The following SEMA3C variants were observed in gnomAD, a reference collection of about 807,000 sequenced individuals.
SEMA3C encodes the protein semaphorin 3C, also known as semaphorin-3C.
SEMA3C carries 47 observed loss-of-function variants against 89.4 expected under a neutral mutation model. That is an observed-to-expected ratio of 0.53 (90% CI 0.42 to 0.67). The LOEUF (loss-of-function observed/expected upper bound fraction) is 0.67, where lower values mean the gene tolerates loss of function less well. Ranked by LOEUF, SEMA3C falls within the 30% of genes least tolerant of loss-of-function variation. The pLI is 0.00. For missense variants in SEMA3C, 839 were observed against 929.1 expected (o/e 0.90, Z 1.26); for synonymous variants, 310 against 320.2 (o/e 0.97, Z 0.34).
At chr7:80,783,464 A>G (rs1204618808) in intron 12 of SEMA3C, among the ~76,000 whole-genome samples, 1 of 152,158 alleles carries the variant, frequency 6.6e-6, no homozygotes, top group Non-Finnish European at 1.5e-5. Context: ...GAAAGCAGTG[A>G]CCCACGATGT....
At chr7:80,864,181 G>A (rs920888071) in intron 2 of SEMA3C, among the ~76,000 whole-genome samples, 1 of 151,962 alleles carries the variant, frequency 6.6e-6, no homozygotes, top group African/African-American at 2.4e-5. Context: ...TGATATGTGG[G>A]AGCTAAGCTA....
intron 2 of SEMA3C, among the ~76,000 whole-genome samples, chr7:80,868,163 T>A (rs913238321): frequency 2.0e-5 from 3 of 152,200 alleles, no homozygotes; most frequent in Admixed American, 2.0e-4. Context: ...ATGGTGCATG[T>A]CTCTCTCCCA....
chr7:80,867,170 A>T (rs1341434253), intron 2 of SEMA3C, among the ~76,000 whole-genome samples: 1 of 152,260 alleles, frequency 6.6e-6, no homozygotes, highest in African/African-American at 2.4e-5. Flanking sequence ...GTAGAAAAAG[A>T]CTTTATAATA....
At chr7:80,818,229 C>T in intron 5 of SEMA3C, 70 bp downstream of exon 5, 1 of 1,405,602 alleles carries the variant, frequency 7.1e-7, no homozygotes, top group South Asian at 1.5e-5. Flanking sequence ...CAAGTTTTTA[C>T]TCTAAAATAC....
In SEMA3C at chr7:80,827,557, A is replaced by G. The variant is rs564240474; in HGVS notation, c.265-70T>C. On this transcript the variant is annotated intron_variant, in intron 3 of 17. Coordinates refer to ENST00000265361, the MANE Select transcript of SEMA3C (RefSeq NM_006379.5). ...TATGACAGCCCAGTGCTCTTCATTT[A>G]CTTTTTGTTAACAGATTTATTTAAG... The G allele has an allele frequency of 9.4e-4, 1,198 of 1,273,800 alleles. 1 individual carries two copies. The highest frequency in any genetic ancestry group is 1.1e-3 in the Non-Finnish European group (1,047 of 935,236). The allele number at this position is 1,273,800 out of a possible 1,614,324, so 78.9% of individuals were successfully genotyped here.
At chr7:80,921,693 TC>T (rs1792412050), upstream of SEMA3C, among the ~76,000 whole-genome samples, 1 of 152,206 alleles carries the variant, frequency 6.6e-6, no homozygotes, top group Admixed American at 6.5e-5. Flanking sequence ...GCAAAACGTT[TC>T]AGACGAGCGG....
intron 12 of SEMA3C, 138 bp from the exon 13 acceptor site, chr7:80,765,381 C>G: frequency 1.7e-6 from 1 of 593,752 alleles, no homozygotes; most frequent in South Asian, 2.4e-5. Flanking sequence ...AAGCCACTGC[C>G]ATGTGCTGAA....
At chr7:80,847,361 A>C (rs11980158) in intron 2 of SEMA3C, 36,649 of 152,106 alleles carry the variant, frequency 0.24, 4,869 homozygotes, top group African/African-American at 0.35. Flanking sequence ...GTATACAATA[A>C]GAGTAAATTT....
intron 11 of SEMA3C, among the ~76,000 whole-genome samples, chr7:80,795,050 C>G (rs140025176): frequency 6.6e-6 from 1 of 152,236 alleles, no homozygotes; most frequent in East Asian, 1.9e-4. Flanking sequence ...ACTGGGCAAC[C>G]ATACTACTGT....
At position 80,810,671 on chromosome 7, in the gene SEMA3C, C is replaced by G. The variant is rs1482474827; in HGVS notation, c.478G>C (p.Glu160Gln). 1 of 1,613,600 alleles carries G rather than the reference C, an allele frequency of 6.2e-7. No homozygotes were observed. Among genetic ancestry groups the G allele is most frequent in the Non-Finnish European group, 8.5e-7 (1 of 1,179,730 alleles). ...DQVFMIDSKCESGKGRCSFNP... is the reference protein window; with the variant it reads ...DQVFMIDSKCQSGKGRCSFNP... ...AAAGAGCAGCGTCCTTTTCCAGATT[C>G]ACACTTGGAGTCAATCATGAAAACT... is the stretch of plus-strand genomic sequence containing the variant. The change falls in exon 6 of 18, where the codon GAA becomes CAA. Residue 160 changes from glutamate to glutamine, a missense_variant. By Grantham distance (29) the Glu-to-Gln change is conservative (BLOSUM62 2). Transcript: ENST00000265361.
chr7:80,769,056 A>C (rs2117068629), intron 12 of SEMA3C, among the ~76,000 whole-genome samples: 1 of 152,252 alleles, frequency 6.6e-6, no homozygotes, highest in East Asian at 1.9e-4. Context: ...CAACTCTTTA[A>C]ATTTTTTTAT....
chr7:80,786,578 C>A (rs939611082), intron 12 of SEMA3C, among the ~76,000 whole-genome samples: 52 of 152,282 alleles, frequency 3.4e-4, no homozygotes, highest in African/African-American at 1.2e-3. Flanking sequence ...AACACAAACT[C>A]TAAGTTGAAT....
Position 80,766,874 on chromosome 7 carries a change from G to A in SEMA3C, c.1355-1631C>T, listed in dbSNP as rs117949735. The stretch of plus-strand genomic sequence containing the variant: ...AATGCTAGACTGGTAAGGGAAAAAC[G>A]CCTCAAGTGAGCATGGGCACAACTC... On this transcript the variant is annotated intron_variant, in intron 12 of 17. Coordinates refer to ENST00000265361, the MANE Select transcript of SEMA3C (RefSeq NM_006379.5). 0.024 allele frequency among the ~76,000 whole-genome samples: 3,647 copies of A among 152,174 alleles called. 272 individuals carry two copies. In the East Asian group the frequency reaches 0.29, roughly 12 times the overall value.
chr7:80,838,287 C>T (rs1210508753), intron 2 of SEMA3C, among the ~76,000 whole-genome samples: 1 of 151,902 alleles, frequency 6.6e-6, no homozygotes, highest in Non-Finnish European at 1.5e-5. Context: ...CCTGCATCTA[C>T]AATATAAAAA....
chr7:80,818,540 A>G, intron 4 of SEMA3C, 122 bp from the exon 5 acceptor site: 2 of 1,139,878 alleles, frequency 1.8e-6, no homozygotes, highest in South Asian at 1.6e-5. Flanking sequence ...CTTTTGATGT[A>G]TTAGTCCAGG....
chr7:80,787,590 GTGGT>G (rs879823481), intron 12 of SEMA3C, among the ~76,000 whole-genome samples: 25 of 152,158 alleles, frequency 1.6e-4, no homozygotes, highest in Non-Finnish European at 3.1e-4. Context: ...AGGTATTTCA[GTGGT>G]TAAAAGCCTA....
chr7:80,824,029 A>G (rs1330099045), intron 4 of SEMA3C, among the ~76,000 whole-genome samples: 1 of 152,176 alleles, frequency 6.6e-6, no homozygotes, highest in East Asian at 1.9e-4. Flanking sequence ...ATTATGCTGT[A>G]TTACTACCTA....
intron 2 of SEMA3C, among the ~76,000 whole-genome samples, chr7:80,840,646 C>G (rs921379675): frequency 1.5e-4 from 22 of 151,132 alleles, no homozygotes; most frequent in African/African-American, 4.9e-4. Context: ...TGGAGGTACA[C>G]GAGCAACTGC....
chr7:80,781,905 C>T (rs3807103), intron 12 of SEMA3C, among the ~76,000 whole-genome samples: 30,290 of 152,032 alleles, frequency 0.2, 3,919 homozygotes, highest in South Asian at 0.28. Context: ...AAGTGAATCA[C>T]TGCCCTCTGT....
Sources: gnomAD v4.1 joint callset for allele counts (sites outside exome capture counted in the v4.1 genomes callset) on GRCh38, gnomAD v4.1.1 for gene constraint, MANE v1.5 for transcripts, NCBI Gene and HGNC (gene_info 2026-07-23, HGNC 2026-07-21) for gene names.